Variants in CNTN5 observed in about 807,000 individuals in gnomAD.
CNTN5 encodes contactin 5, also known as contactin-5.
A neutral mutation model predicts 129.1 loss-of-function variants in CNTN5; 77 were observed. The ratio of observed to expected loss-of-function variants is 0.60; its 90% CI spans 0.50 to 0.72. The LOEUF is 0.72. Ranked by LOEUF, CNTN5 falls within the 30% of genes least tolerant of loss-of-function variation. CNTN5 has a pLI of 0.00. For synonymous variants in CNTN5, 509 were observed against 465.6 expected, an observed-to-expected ratio of 1.09 and a Z score of -1.20; for missense variants, 1,478 against 1,328.8, an observed-to-expected ratio of 1.11 and a Z score of -1.75.
At chr11:99,066,472 C>T (rs12573918) in intron 1 of CNTN5, among the ~76,000 whole-genome samples, 50,730 of 151,918 alleles carry the variant, frequency 0.33, 8,892 homozygotes, top group African/African-American at 0.42. Context: ...AGGGTATGGC[C>T]AAACAGACAA....
chr11:100,058,897 G>A (rs987680202), intron 9 of CNTN5, among the ~76,000 whole-genome samples: 1 of 152,112 alleles, frequency 6.6e-6, no homozygotes, highest in African/African-American at 2.4e-5. Context: ...TTGCTGAAGA[G>A]GAGGCATTTA....
At chr11:99,914,199 G>A (rs1949731565) in intron 6 of CNTN5, among the ~76,000 whole-genome samples, 1 of 152,062 alleles carries the variant, frequency 6.6e-6, no homozygotes, top group Non-Finnish European at 1.5e-5. Flanking sequence ...ATCACATCCT[G>A]CACTCCAGCC....
intron 2 of CNTN5, among the ~76,000 whole-genome samples, chr11:99,536,811 A>G (rs1565272400): frequency 6.6e-6 from 1 of 151,690 alleles, no homozygotes. Flanking sequence ...AGAGTCACAA[A>G]AAGAAGCCAG....
At chr11:100,299,530 G>C (rs1951173571) in intron 20 of CNTN5, 134 bp downstream of exon 20, 1 of 535,948 alleles carries the variant, frequency 1.9e-6, no homozygotes, top group African/African-American at 2.0e-5. Context: ...TAAACTTTTT[G>C]GATATATATT....
intron 3 of CNTN5, among the ~76,000 whole-genome samples, chr11:99,632,443 A>G (rs755714731): frequency 1.3e-5 from 2 of 152,054 alleles, no homozygotes; most frequent in Non-Finnish European, 2.9e-5. Context: ...GGTGAGGATG[A>G]TTTTGAATGA....
At chr11:99,993,629 G>C (rs1021097120) in intron 8 of CNTN5, among the ~76,000 whole-genome samples, 2 of 152,064 alleles carry the variant, frequency 1.3e-5, no homozygotes, top group Admixed American at 6.5e-5. Context: ...CCACTGATCT[G>C]ACAAGAGGTG....
At chr11:99,152,338 T>C (rs766511980) in intron 1 of CNTN5, among the ~76,000 whole-genome samples, 57 of 152,202 alleles carry the variant, frequency 3.7e-4, no homozygotes, top group Non-Finnish European at 6.5e-4. Context: ...TAGACCTGTG[T>C]CTCATCATAT....
At chr11:99,980,860 T>C (rs1161155019) in intron 8 of CNTN5, among the ~76,000 whole-genome samples, 1 of 151,862 alleles carries the variant, frequency 6.6e-6, no homozygotes, top group Admixed American at 6.6e-5. Context: ...TCATCCTCAT[T>C]AACAGGCTTA....
chr11:99,085,369 G>A (rs1865965007), intron 1 of CNTN5, among the ~76,000 whole-genome samples: 2 of 151,918 alleles, frequency 1.3e-5, no homozygotes, highest in South Asian at 4.2e-4. Context: ...TTTTATATAT[G>A]GCTATTATTA....
chr11:99,809,614 T>A (rs1054802551), intron 3 of CNTN5, among the ~76,000 whole-genome samples: 9 of 152,046 alleles, frequency 5.9e-5, no homozygotes, highest in African/African-American at 2.2e-4. Context: ...CTTTTACAGA[T>A]TCTATGTTCT....
chr11:99,144,096 C>T (rs902231104), intron 1 of CNTN5, among the ~76,000 whole-genome samples: 1 of 152,078 alleles, frequency 6.6e-6, no homozygotes, highest in Non-Finnish European at 1.5e-5. Context: ...TTAAATTTTA[C>T]ATATGAAATA....
Position 99,109,517 on chromosome 11 carries a change from G to A in CNTN5, c.-210+88247G>A, listed in dbSNP as rs542448287. On this transcript the variant is annotated intron_variant, in intron 1 of 24. Coordinates refer to ENST00000524871, the MANE Select transcript of CNTN5 (RefSeq NM_014361.4). ...CCACACAGATTCAAAAGTTGCAACT[G>A]CCTCTTTAAACCAGATAAGCCATTA... Among the ~76,000 whole-genome samples, 6 of 152,162 alleles carry A rather than the reference G, an allele frequency of 3.9e-5. No homozygotes were observed. In the East Asian group the frequency reaches 1.2e-3, roughly 29 times the overall value.
intron 3 of CNTN5, among the ~76,000 whole-genome samples, chr11:99,801,047 G>A (rs1191159189): frequency 6.6e-6 from 1 of 152,116 alleles, no homozygotes; most frequent in Non-Finnish European, 1.5e-5. Context: ...GTGTGCTTCT[G>A]CAGTAGCAAG....
At chr11:99,820,881 A>C (rs1178705942) in intron 4 of CNTN5, among the ~76,000 whole-genome samples, 1 of 152,262 alleles carries the variant, frequency 6.6e-6, no homozygotes, top group African/African-American at 2.4e-5. Flanking sequence ...GATATTGGAA[A>C]GATTCTGGGA....
At chr11:99,647,675 T>C (rs1474805556) in intron 3 of CNTN5, among the ~76,000 whole-genome samples, 1 of 152,082 alleles carries the variant, frequency 6.6e-6, no homozygotes, top group East Asian at 1.9e-4. Flanking sequence ...GAATATGAGA[T>C]TTCTCTTCAT....
At chr11:100,237,204 A>G (rs11223365) in intron 16 of CNTN5, among the ~76,000 whole-genome samples, 27,167 of 149,044 alleles carry the variant, frequency 0.18, 2,743 homozygotes, top group Non-Finnish European at 0.22. Context: ...AAAAAAAAAA[A>G]AAAAGAAAAG....
chr11:99,767,596 A>C (rs567626137), intron 3 of CNTN5, among the ~76,000 whole-genome samples: 11 of 144,852 alleles, frequency 7.6e-5, no homozygotes, highest in African/African-American at 2.8e-4. Flanking sequence ...TTATTTTCCC[A>C]TTGATTACTA....
chr11:99,218,243 A>T (rs962129393), intron 1 of CNTN5, among the ~76,000 whole-genome samples: 1 of 151,936 alleles, frequency 6.6e-6, no homozygotes, highest in Non-Finnish European at 1.5e-5. Context: ...TTTTCCTTTG[A>T]CTTAATGTGT....
At chr11:99,584,808 A>G (rs552634088) in intron 3 of CNTN5, among the ~76,000 whole-genome samples, 2 of 152,322 alleles carry the variant, frequency 1.3e-5, no homozygotes, top group African/African-American at 4.8e-5. Context: ...CTGCTTTTTC[A>G]TGAAACACTG....
Sources: allele counts gnomAD v4.1 joint callset (sites outside exome capture counted in the v4.1 genomes callset), GRCh38; gene constraint gnomAD v4.1.1; transcripts MANE v1.5; gene names NCBI Gene and HGNC (gene_info 2026-07-23, HGNC 2026-07-21).